The following MAP3K20 variants were observed in gnomAD, a reference collection of about 807,000 sequenced individuals.
MAP3K20 encodes mitogen-activated protein kinase kinase kinase 20, also known as HCCS-4.
Under a neutral mutation model 85.7 loss-of-function variants are expected in MAP3K20, and 40 were observed. The observed-to-expected ratio is 0.47, with a 90% CI of 0.36 to 0.61. The LOEUF is 0.61. Ranked by LOEUF, MAP3K20 falls within the 20% of genes least tolerant of loss-of-function variation. MAP3K20 has a pLI of 0.00. For missense variants in MAP3K20, 817 were observed against 961.7 expected (o/e 0.85, Z 1.99); for synonymous variants, 325 against 327.7 (o/e 0.99, Z 0.09).
chr2:173,138,549 A>G (rs995656672), intron 2 of MAP3K20, among the ~76,000 whole-genome samples: 6 of 152,192 alleles, frequency 3.9e-5, no homozygotes, highest in African/African-American at 1.4e-4. Context: ...TGAAATTTTA[A>G]TAGCTATTTT....
intron 7 of MAP3K20, among the ~76,000 whole-genome samples, chr2:173,195,328 G>A (rs556558782): frequency 1.3e-4 from 20 of 152,094 alleles, no homozygotes; most frequent in Admixed American, 9.2e-4. Context: ...TGTGAGCACT[G>A]TTCCAGAACA....
chr2:173,238,114 G>A (rs1684695436), intron 14 of MAP3K20, among the ~76,000 whole-genome samples: 1 of 152,118 alleles, frequency 6.6e-6, no homozygotes, highest in Admixed American at 6.5e-5. Flanking sequence ...TAGCATTACT[G>A]CACTCCAGCC....
At chr2:173,168,730 C>T (rs56151459) in intron 2 of MAP3K20, among the ~76,000 whole-genome samples, 44,102 of 151,950 alleles carry the variant, frequency 0.29, 8,016 homozygotes, top group Non-Finnish European at 0.41. Context: ...ATTTAACTTA[C>T]GTGATTTTAT....
chr2:173,128,472 A>G (rs1688512234), intron 2 of MAP3K20, among the ~76,000 whole-genome samples: 1 of 151,976 alleles, frequency 6.6e-6, no homozygotes, highest in South Asian at 2.1e-4. Flanking sequence ...AGCTGGGACT[A>G]CAGGCGCGCA....
rs755775036 is a variant in MAP3K20, at chr2:173,238,431, TTAAGG to T, written c.1266+1_1266+5del. On this transcript the variant is annotated splice_donor_variant and coding_sequence_variant, in exon 15 of 20. Transcript: ENST00000375213. LOFTEE classifies it high-confidence loss of function. The stretch of plus-strand genomic sequence containing the variant: ...AATTTGTTTCACTTCCCACCACTAA[TTAAGG>T]TAAGTAAGGTTTTTCTTACCGACAC... 4 of 1,611,840 alleles carry T rather than the reference TTAAGG, an allele frequency of 2.5e-6. No homozygotes were observed. The South Asian group carries it at 3.3e-5, about 13-fold the overall frequency.
rs751730715 is a variant in MAP3K20 at position 173,191,166 on chromosome 2, T to G, written c.571T>G (p.Ser191Ala). 1 of 1,613,786 alleles carries G rather than the reference T, an allele frequency of 6.2e-7. No individual in the cohort carries two copies. The highest frequency in any genetic ancestry group is 1.1e-5 in the South Asian group (1 of 90,978). Residue 191 changes from serine (S) to alanine (A), a missense_variant, in exon 7 of 20, where the codon TCC becomes GCC. By Grantham distance (99) the Ser-to-Ala change is moderately conservative (BLOSUM62 1). This residue lies in a region of MAP3K20 where 200 missense variants were observed against 302.7 expected (regional missense o/e 0.66). Coordinates refer to ENST00000375213, the MANE Select transcript of MAP3K20 (RefSeq NM_016653.3). ...LPVSETCDTY[S>A]YGVVLWEMLT... ...TGTGTCAGAAACTTGTGACACATATTCCTATGGTGTGGTGAGTTCATTTCT... is the reference window on the plus strand; with the variant it reads ...TGTGTCAGAAACTTGTGACACATATGCCTATGGTGTGGTGAGTTCATTTCT...
In MAP3K20 at chr2:173,232,213, G is replaced by C; in HGVS notation, c.1054G>C (p.Val352Leu). 1 of 1,614,206 alleles carries C rather than the reference G, an allele frequency of 6.2e-7. No individual in the cohort carries two copies. Among genetic ancestry groups the C allele is most frequent in the Non-Finnish European group, 8.5e-7 (1 of 1,180,032 alleles). The change falls in exon 13 of 20, where the codon GTC (valine) becomes CTC (leucine). Residue 352 changes from valine to leucine, a missense_variant. This residue lies in a region of MAP3K20 where 158 missense variants were observed against 162.0 expected (regional missense o/e 0.98). Transcript: ENST00000375213. ...DDVYCWVQQL[V>L]RKGDSSAEMS... ...ACAGTATTGTTGGGTTCAGCAGCTC[G>C]TCAGAAAAGGCAAGTGGAATAAGTT... is the stretch of plus-strand genomic sequence containing the variant.
chr2:173,232,296 C>T (rs1684540694), intron 13 of MAP3K20, 24 bp from the exon 14 acceptor site: 3 of 1,614,034 alleles, frequency 1.9e-6, no homozygotes, highest in Admixed American at 3.3e-5. Flanking sequence ...TAATTTTATT[C>T]TGCTTTCTAA....
At chr2:173,143,256 AATG>A (rs547572016) in intron 2 of MAP3K20, among the ~76,000 whole-genome samples, 166 of 152,338 alleles carry the variant, frequency 1.1e-3, no homozygotes, top group African/African-American at 3.8e-3. Flanking sequence ...ATGATTTAAT[AATG>A]ATGATTTAAA....
intron 2 of MAP3K20, among the ~76,000 whole-genome samples, chr2:173,094,268 G>A (rs958755093): frequency 6.6e-6 from 1 of 151,992 alleles, no homozygotes; most frequent in Non-Finnish European, 1.5e-5. Context: ...ATATGTTATT[G>A]ATTTATATGT....
chr2:173,185,586 A>G (rs6753354), intron 4 of MAP3K20, among the ~76,000 whole-genome samples: 31,590 of 152,152 alleles, frequency 0.21, 4,256 homozygotes, highest in East Asian at 0.57. Flanking sequence ...AGTTTAACCT[A>G]TGATTGAATC....
At chr2:173,102,811 T>C (rs1687671943) in intron 2 of MAP3K20, among the ~76,000 whole-genome samples, 2 of 152,262 alleles carry the variant, frequency 1.3e-5, no homozygotes, top group South Asian at 2.1e-4. Context: ...TATTGGAACA[T>C]AGAATCTACC....
intron 2 of MAP3K20, among the ~76,000 whole-genome samples, chr2:173,091,673 T>G (rs1687304074): frequency 6.6e-6 from 1 of 152,226 alleles, no homozygotes; most frequent in South Asian, 2.1e-4. Context: ...ATTTCACCTC[T>G]ACTTAAGGCT....
intron 3 of MAP3K20, among the ~76,000 whole-genome samples, chr2:173,179,445 G>C: frequency 6.6e-6 from 1 of 151,382 alleles, no homozygotes; most frequent in Non-Finnish European, 1.5e-5. Context: ...GGAATAAAAG[G>C]GAATTTTTCC....
chr2:173,081,210 A>G (rs1281284050), intron 1 of MAP3K20, among the ~76,000 whole-genome samples: 1 of 125,548 alleles, frequency 8.0e-6, no homozygotes, highest in African/African-American at 3.1e-5. Flanking sequence ...TTTTTTTTTT[A>G]GAAACAGAGT....
intron 1 of MAP3K20, chr2:173,090,586 G>A (rs796902883): frequency 1.0e-6 from 1 of 985,762 alleles, no homozygotes; most frequent in Non-Finnish European, 1.2e-6. Flanking sequence ...GTGCAGCGTG[G>A]AGAGGTGGCA....
At chr2:173,211,436 A>C (rs577314396) in intron 10 of MAP3K20, 52 of 152,254 alleles carry the variant, frequency 3.4e-4, no homozygotes, top group African/African-American at 1.2e-3. Flanking sequence ...CCTCTCTTTG[A>C]AGCTTATCCC....
intron 9 of MAP3K20, among the ~76,000 whole-genome samples, chr2:173,206,629 T>C (rs1356232096): frequency 1.3e-5 from 2 of 152,328 alleles, no homozygotes; most frequent in East Asian, 3.9e-4. Flanking sequence ...CACCCCAGGC[T>C]TAGCACTTTT....
Position 173,225,181 on chromosome 2 carries a change from G to C in MAP3K20, c.988-4508G>C, listed in dbSNP as rs904286021. ...GCGGTGCTGTCACCGAATGGTGTTT[G>C]AGAGTGTTGGGGCTAGGGCACATTT... On this transcript the variant is annotated intron_variant, in intron 11 of 19. Transcript: ENST00000375213. 6.5e-5 allele frequency: 64 copies of C among 981,260 alleles called. No individual in the cohort carries two copies. In the Admixed American group the frequency reaches 6.8e-4, roughly 10 times the overall value. 60.8% of individuals were successfully genotyped at this position (981,260 alleles called of 1,614,324 possible). A position where few individuals can be genotyped will look rare whatever the true frequency, so the allele number is the denominator to read the frequency against.
Sources: gnomAD v4.1 joint callset for allele counts (sites outside exome capture counted in the v4.1 genomes callset) on GRCh38, gnomAD v4.1.1 for gene constraint, gnomAD v4.1.1 regional missense constraint, MANE v1.5 for transcripts, NCBI Gene and HGNC (gene_info 2026-07-23, HGNC 2026-07-21) for gene names.